The following CRYZL1 variants were observed in gnomAD, a reference collection of about 807,000 sequenced individuals.
The protein encoded by CRYZL1 is crystallin zeta like 1, also known as ferry endosomal RAB5 effector complex subunit 4.
CRYZL1 carries 34 observed loss-of-function variants against 50.6 expected under a neutral mutation model. The ratio of observed to expected loss-of-function variants is 0.67; its 90% CI spans 0.51 to 0.89. CRYZL1 has a LOEUF of 0.89. CRYZL1 is among the 40% of genes least tolerant of loss of function. The probability of loss-of-function intolerance (pLI) is 0.00; values close to 1 mark genes in which losing one functional copy is unlikely to be tolerated. For missense variants in CRYZL1, 354 were observed against 402.3 expected (o/e 0.88, Z 1.03); for synonymous variants, 125 against 134.3 (o/e 0.93, Z 0.48).
intron 4 of CRYZL1, among the ~76,000 whole-genome samples, chr21:33,619,182 T>C (rs1464727268): frequency 6.6e-6 from 1 of 152,236 alleles, no homozygotes. Context: ...AAGCCATTCC[T>C]GGTTCTGATC....
intron 5 of CRYZL1, 194 bp downstream of exon 5, chr21:33,616,512 G>C (rs545268241): frequency 4.5e-5 from 48 of 1,069,412 alleles, no homozygotes; most frequent in Non-Finnish European, 6.1e-5. Context: ...GGCTGGTCTC[G>C]AACTCCCGAC....
At chr21:33,639,933 C>G in intron 1 of CRYZL1, 1 of 327,222 alleles carries the variant, frequency 3.1e-6, no homozygotes. Context: ...TCAAGCAATT[C>G]TCCTGCCTCA....
At chr21:33,640,834 TAA>T (rs1479270423) in intron 1 of CRYZL1, among the ~76,000 whole-genome samples, 9 of 152,258 alleles carry the variant, frequency 5.9e-5, no homozygotes, top group African/African-American at 2.2e-4. Context: ...TTTGAAGATT[TAA>T]TTTTGAAGAA....
intron 5 of CRYZL1, chr21:33,616,505 T>C (rs1198064231): frequency 2.3e-6 from 2 of 879,562 alleles, no homozygotes; most frequent in Non-Finnish European, 3.3e-6. Context: ...TTGGTCAGGC[T>C]GGTCTCGAAC....
At chr21:33,618,392 T>C (rs1201867516) in intron 4 of CRYZL1, among the ~76,000 whole-genome samples, 1 of 151,814 alleles carries the variant, frequency 6.6e-6, no homozygotes, top group Non-Finnish European at 1.5e-5. Context: ...TTTCATTCAA[T>C]GAGTTACAAG....
At chr21:33,628,949 G>C (rs1033757935) in intron 2 of CRYZL1, among the ~76,000 whole-genome samples, 1 of 151,936 alleles carries the variant, frequency 6.6e-6, no homozygotes, top group Non-Finnish European at 1.5e-5. Context: ...CTACTACTCG[G>C]CCAGGCGCGG....
chr21:33,614,687 T>G (rs2086909597), intron 5 of CRYZL1, among the ~76,000 whole-genome samples: 2 of 152,078 alleles, frequency 1.3e-5, no homozygotes, highest in Admixed American at 1.3e-4. Flanking sequence ...TTCTCCTGCC[T>G]CAGCCTCCCG....
chr21:33,601,744 C>T (rs1301265746), intron 8 of CRYZL1, among the ~76,000 whole-genome samples: 2 of 151,962 alleles, frequency 1.3e-5, no homozygotes, highest in African/African-American at 2.4e-5. Context: ...TGGCTAAACC[C>T]GTCTCTACAA....
chr21:33,612,373 A>G (rs1356261475), intron 6 of CRYZL1, among the ~76,000 whole-genome samples: 4 of 144,832 alleles, frequency 2.8e-5, no homozygotes, highest in African/African-American at 1.0e-4. Flanking sequence ...TGTAACCTCC[A>G]CCTCCCGGGT....
intron 1 of CRYZL1, among the ~76,000 whole-genome samples, chr21:33,632,177 A>G (rs1033259646): frequency 2.0e-5 from 3 of 150,696 alleles, no homozygotes; most frequent in Admixed American, 2.0e-4. Flanking sequence ...AAAAAAAAAA[A>G]AAAAATTAGC....
chr21:33,593,534 T>C (rs2086663540), intron 11 of CRYZL1, among the ~76,000 whole-genome samples: 1 of 152,240 alleles, frequency 6.6e-6, no homozygotes, highest in Non-Finnish European at 1.5e-5. Flanking sequence ...TTCTGGAAAA[T>C]GTACAGTATT....
chr21:33,622,183 A>G (rs1417503130), intron 3 of CRYZL1, 115 bp from the exon 4 acceptor site: 3 of 819,168 alleles, frequency 3.7e-6, no homozygotes, highest in Non-Finnish European at 6.0e-6. Context: ...ATATGGTTCA[A>G]GTTTTGGAAC....
chr21:33,641,448 G>T lies in CRYZL1; in HGVS notation c.-7+233C>A, dbSNP rs2087333968. Reference sequence around the variant, plus strand: ...AAAAGTAGAGGGAGATGCAAACTGAGATAAGACCTACAATCAAAACCCGTC... The same window carrying T: ...AAAAGTAGAGGGAGATGCAAACTGATATAAGACCTACAATCAAAACCCGTC... On this transcript the variant is annotated intron_variant, in intron 1 of 12. Coordinates refer to ENST00000381554, the MANE Select transcript of CRYZL1 (RefSeq NM_145858.3). 6 of 1,090,840 alleles carry T rather than the reference G, an allele frequency of 5.5e-6. No homozygotes were observed. The South Asian group carries it at 8.7e-5, about 16-fold the overall frequency. The allele number at this position is 1,090,840 out of a possible 1,614,324, so 67.6% of individuals were successfully genotyped here.
chr21:33,601,519 C>T (rs2086756364), intron 8 of CRYZL1, among the ~76,000 whole-genome samples: 2 of 151,844 alleles, frequency 1.3e-5, no homozygotes, highest in African/African-American at 2.4e-5. Context: ...TCAAAGTTCA[C>T]CTAATTCAAA....
chr21:33,596,654 A>G (rs2086696115), intron 10 of CRYZL1, among the ~76,000 whole-genome samples: 2 of 152,046 alleles, frequency 1.3e-5, no homozygotes, highest in Admixed American at 1.3e-4. Context: ...ATAAAAAAAT[A>G]AAAAAATAAA....
chr21:33,635,080 A>G (rs1051722687), intron 1 of CRYZL1, among the ~76,000 whole-genome samples: 1 of 151,936 alleles, frequency 6.6e-6, no homozygotes, highest in Non-Finnish European at 1.5e-5. Flanking sequence ...TTACAAAAGT[A>G]GCCAGAAGAA....
At chr21:33,590,419 C>T (rs2086632031) in intron 12 of CRYZL1, among the ~76,000 whole-genome samples, 1 of 149,064 alleles carries the variant, frequency 6.7e-6, no homozygotes, top group Non-Finnish European at 1.5e-5. Flanking sequence ...ACTTTATTTA[C>T]TCCCTCTTTT....
At chr21:33,614,116 G>C (rs2086901902) in intron 5 of CRYZL1, among the ~76,000 whole-genome samples, 1 of 150,310 alleles carries the variant, frequency 6.7e-6, no homozygotes, top group African/African-American at 2.5e-5. Context: ...AGGTTGTAGT[G>C]AGCTGAGATT....
chr21:33,613,662 A>G, intron 5 of CRYZL1, 56 bp from the exon 6 acceptor site: 1 of 1,186,922 alleles, frequency 8.4e-7, no homozygotes, highest in Non-Finnish European at 1.3e-6. Context: ...ATTCCTAATG[A>G]GAGGCCAGTA....
Sources: gnomAD v4.1 joint callset for allele counts (sites outside exome capture counted in the v4.1 genomes callset) on GRCh38, gnomAD v4.1.1 for gene constraint, MANE v1.5 for transcripts, NCBI Gene and HGNC (gene_info 2026-07-23, HGNC 2026-07-21) for gene names.